WWP1: variants seen among roughly 807,000 people sequenced by gnomAD.
WWP1 encodes the protein NEDD4-like E3 ubiquitin-protein ligase WWP1.
Under a neutral mutation model 130.6 loss-of-function variants are expected in WWP1, and 49 were observed. That is an observed-to-expected ratio of 0.38 (90% CI 0.30 to 0.48). The LOEUF (loss-of-function observed/expected upper bound fraction) is 0.48, where lower values mean the gene tolerates loss of function less well. Ranked by LOEUF, WWP1 falls within the 20% of genes least tolerant of loss-of-function variation. WWP1 has a pLI of 0.99. For synonymous variants in WWP1, 332 were observed against 367.8 expected (o/e 0.90, Z 1.11); for missense variants, 809 against 1,100.6 (o/e 0.74, Z 3.75).
At chr8:86,433,919 A>C (rs1298813281) in intron 14 of WWP1, among the ~76,000 whole-genome samples, 2 of 151,594 alleles carry the variant, frequency 1.3e-5, no homozygotes, top group African/African-American at 4.8e-5. Context: ...ACTCCATCTT[A>C]GGAAAAAAAA....
At chr8:86,461,086 G>A in intron 22 of WWP1, 138 bp from the exon 23 acceptor site, 1 of 695,200 alleles carries the variant, frequency 1.4e-6, no homozygotes, top group Non-Finnish European at 2.4e-6. Context: ...TGGGATTACA[G>A]GTGTGAGCCA....
intron 7 of WWP1, among the ~76,000 whole-genome samples, chr8:86,400,615 A>C (rs1807921345): frequency 6.6e-6 from 1 of 152,210 alleles, no homozygotes; most frequent in Non-Finnish European, 1.5e-5. Context: ...GTTTACAGTT[A>C]TGTTCTAGAA....
intron 21 of WWP1, among the ~76,000 whole-genome samples, chr8:86,454,791 G>T (rs890692075): frequency 1.3e-5 from 2 of 151,970 alleles, no homozygotes; most frequent in South Asian, 2.1e-4. Flanking sequence ...CTCACATACT[G>T]CCCTGTATGT....
chr8:86,390,155 C>G (rs888911798), intron 5 of WWP1, among the ~76,000 whole-genome samples: 4 of 151,990 alleles, frequency 2.6e-5, no homozygotes, highest in Admixed American at 2.6e-4. Context: ...GGCAGACACG[C>G]TCCTCACTTC....
intron 5 of WWP1, among the ~76,000 whole-genome samples, chr8:86,394,417 C>T (rs373911965): frequency 3.9e-5 from 6 of 152,272 alleles, no homozygotes; most frequent in African/African-American, 1.4e-4. Context: ...TAAGCACCTA[C>T]CTTCTCTCAG....
Position 86,427,706 on chromosome 8 carries a change from A to G in WWP1, c.1221A>G (p.Thr407=), listed in dbSNP as rs1295132139. The change falls in exon 11 of 25, where the codon ACA becomes ACG. Residue 407 remains threonine, a synonymous_variant. Transcript: ENST00000517970. ...VYYVDHNTRT[T]TWQRPTMESV... is the part of the protein sequence containing the mutation. ...ATGTGGATCATAACACCAGAACAAC[A>G]ACGTGGCAGCGGCCTACCATGGAAT... 1 of 1,614,056 alleles carries G rather than the reference A, an allele frequency of 6.2e-7. No individual in the cohort carries two copies. Among genetic ancestry groups the G allele is most frequent in the African/African-American group, 1.3e-5 (1 of 75,066 alleles).
At chr8:86,397,284 G>A (rs945218448) in intron 5 of WWP1, among the ~76,000 whole-genome samples, 1 of 152,088 alleles carries the variant, frequency 6.6e-6, no homozygotes, top group Non-Finnish European at 1.5e-5. Flanking sequence ...GAATAATAAA[G>A]TGATCACTGA....
chr8:86,369,594 T>C (rs569604878), intron 2 of WWP1, among the ~76,000 whole-genome samples: 5 of 152,332 alleles, frequency 3.3e-5, no homozygotes, highest in African/African-American at 9.6e-5. Context: ...TGTAAACTTT[T>C]AAGATTCTTC....
intron 22 of WWP1, among the ~76,000 whole-genome samples, chr8:86,459,549 A>C (rs1229290323): frequency 6.6e-6 from 1 of 152,192 alleles, no homozygotes; most frequent in Non-Finnish European, 1.5e-5. Context: ...AGAGGAGCTG[A>C]GCAGTTGGAG....
chr8:86,398,917 T>A (rs1227245664), intron 7 of WWP1, among the ~76,000 whole-genome samples: 1 of 152,200 alleles, frequency 6.6e-6, no homozygotes, highest in African/African-American at 2.4e-5. Flanking sequence ...CTGTCTGATT[T>A]CAGAATATTC....
chr8:86,376,215 A>G (rs1451286966), intron 3 of WWP1, among the ~76,000 whole-genome samples: 1 of 152,218 alleles, frequency 6.6e-6, no homozygotes, highest in Non-Finnish European at 1.5e-5. Flanking sequence ...AATGGACAGT[A>G]CACCTGAGGT....
At chr8:86,359,060 A>G (rs998243246) in intron 1 of WWP1, among the ~76,000 whole-genome samples, 1 of 152,166 alleles carries the variant, frequency 6.6e-6, no homozygotes, top group African/African-American at 2.4e-5. Flanking sequence ...TATGAGAATC[A>G]CCTAGAATGC....
chr8:86,356,435 ATATT>A (rs1823262104), intron 1 of WWP1, among the ~76,000 whole-genome samples: 1 of 150,770 alleles, frequency 6.6e-6, no homozygotes, highest in Non-Finnish European at 1.5e-5. Flanking sequence ...ACGCATATAT[ATATT>A]TATATATATA....
chr8:86,437,757 A>G (rs768369343), intron 16 of WWP1, among the ~76,000 whole-genome samples: 3 of 152,176 alleles, frequency 2.0e-5, no homozygotes, highest in Non-Finnish European at 1.5e-5. Context: ...CAGTTAACAC[A>G]TAGAGTCAGT....
intron 8 of WWP1, among the ~76,000 whole-genome samples, chr8:86,407,866 C>T (rs2130542123): frequency 6.6e-6 from 1 of 152,190 alleles, no homozygotes; most frequent in African/African-American, 2.4e-5. Flanking sequence ...ATGTTTGTTA[C>T]AATTAATGAA....
rs1424008694 is a variant in WWP1 at position 86,467,561 on chromosome 8, A to C, written c.*668A>C. The stretch of plus-strand genomic sequence containing the variant: ...CACATGAAAGTCATATACTAGATCC[A>C]ATACTATTTAGTTTATTATCGAAAT... On this transcript the variant is annotated 3_prime_UTR_variant, in exon 25 of 25. Transcript: ENST00000517970. 1 of 152,460 alleles carries C rather than the reference A, an allele frequency of 6.6e-6. No homozygotes were observed. Among genetic ancestry groups the C allele is most frequent in the African/African-American group, 2.4e-5 (1 of 41,424 alleles). The allele number at this position is 152,460 out of a possible 1,614,324, so 9.4% of individuals were successfully genotyped here. A position where few individuals can be genotyped will look rare whatever the true frequency, so the allele number is the denominator to read the frequency against.
chr8:86,363,201 A>C (rs891104052), intron 1 of WWP1, among the ~76,000 whole-genome samples: 13 of 152,126 alleles, frequency 8.5e-5, no homozygotes, highest in Admixed American at 7.9e-4. Context: ...GATGGGGACG[A>C]GGAAACAACA....
chr8:86,343,357 C>T (rs1443578319), intron 1 of WWP1: 1 of 152,308 alleles, frequency 6.6e-6, no homozygotes, highest in Non-Finnish European at 1.5e-5. Flanking sequence ...AGGACTCCAG[C>T]TTTGGAACGT....
chr8:86,452,480 C>T, intron 20 of WWP1, 79 bp from the exon 21 acceptor site: 1 of 1,253,480 alleles, frequency 8.0e-7, no homozygotes, highest in Admixed American at 2.4e-5. Context: ...AGAGAAAGAA[C>T]TATAGAAGTT....
Sources: allele counts gnomAD v4.1 joint callset (sites outside exome capture counted in the v4.1 genomes callset), GRCh38; gene constraint gnomAD v4.1.1; transcripts MANE v1.5; gene names NCBI Gene and HGNC (gene_info 2026-07-23, HGNC 2026-07-21).